The following SEMA3D variants were observed in gnomAD, a reference collection of about 807,000 sequenced individuals.
SEMA3D encodes the protein semaphorin 3D.
A neutral mutation model predicts 100.1 loss-of-function variants in SEMA3D; 84 were observed. The observed-to-expected ratio is 0.84, with a 90% CI of 0.70 to 1.01. The LOEUF (loss-of-function observed/expected upper bound fraction) is 1.01, where lower values mean the gene tolerates loss of function less well. Among genes scored for constraint, SEMA3D ranks in the 50% least tolerant of loss-of-function variants. The probability of loss-of-function intolerance (pLI) is 0.00; values close to 1 mark genes in which losing one functional copy is unlikely to be tolerated. For missense variants in SEMA3D, 875 were observed against 934.1 expected, an observed-to-expected ratio of 0.94 and a Z score of 0.82; for synonymous variants, 312 against 320.7, an observed-to-expected ratio of 0.97 and a Z score of 0.29.
intron 3 of SEMA3D, among the ~76,000 whole-genome samples, chr7:85,098,408 CTA>C (rs974742860): frequency 2.0e-5 from 3 of 151,682 alleles, no homozygotes; most frequent in African/African-American, 7.3e-5. Flanking sequence ...TTTAAAGCAT[CTA>C]TATATATTAA....
intron 2 of SEMA3D, among the ~76,000 whole-genome samples, chr7:85,148,214 A>C (rs1790270730): frequency 6.6e-6 from 1 of 152,220 alleles, no homozygotes; most frequent in Non-Finnish European, 1.5e-5. Flanking sequence ...ATTAATGATG[A>C]TCATTAATTA....
intron 2 of SEMA3D, among the ~76,000 whole-genome samples, chr7:85,125,186 T>A (rs1471193589): frequency 6.6e-6 from 1 of 152,090 alleles, no homozygotes; most frequent in African/African-American, 2.4e-5. Context: ...CATGTAACAA[T>A]GCATGTAACG....
intron 1 of SEMA3D, among the ~76,000 whole-genome samples, chr7:85,168,617 AT>A (rs3076565): frequency 0.23 from 30,873 of 135,138 alleles, 3,526 homozygotes; most frequent in African/African-American, 0.27. Context: ...GGTTTCTGCA[AT>A]TTTTTTTTTT....
intron 2 of SEMA3D, chr7:85,151,551 G>C (rs1173239761): frequency 1.0e-5 from 8 of 786,074 alleles, no homozygotes; most frequent in Non-Finnish European, 1.2e-5. Context: ...TTTCTATGCT[G>C]GTTAAAATAG....
intron 11 of SEMA3D, among the ~76,000 whole-genome samples, chr7:85,038,052 G>T (rs1443222846): frequency 5.6e-5 from 8 of 143,068 alleles, no homozygotes; most frequent in African/African-American, 1.5e-4. Flanking sequence ...GTTGTGGGGT[G>T]GGGGGGAGGG....
the SEMA3D span, among the ~76,000 whole-genome samples, chr7:85,249,038 T>C: frequency 6.6e-6 from 1 of 152,146 alleles, no homozygotes; most frequent in African/African-American, 2.4e-5. Flanking sequence ...ACCACTCTGA[T>C]AGGGGATGTT....
intron 12 of SEMA3D, among the ~76,000 whole-genome samples, chr7:85,023,849 G>GTTAATGTT (rs1790320330): frequency 6.6e-6 from 1 of 151,832 alleles, no homozygotes; most frequent in Admixed American, 6.6e-5. Flanking sequence ...CTAAAAGTCT[G>GTTAATGTT]TTAATGTTTT....
intron 12 of SEMA3D, chr7:85,029,560 T>A (rs1031592942): frequency 5.6e-6 from 3 of 538,240 alleles, no homozygotes; most frequent in Non-Finnish European, 7.0e-6. Flanking sequence ...GCTGGAGAAG[T>A]CTTCAAGTCC....
intron 9 of SEMA3D, among the ~76,000 whole-genome samples, chr7:85,052,303 C>T (rs1009277270): frequency 2.0e-5 from 3 of 151,888 alleles, no homozygotes; most frequent in Non-Finnish European, 4.4e-5. Context: ...TATAATCCCT[C>T]ATTGACTACA....
chr7:85,189,285 G>T (rs1791642478), upstream of SEMA3D, among the ~76,000 whole-genome samples: 2 of 152,112 alleles, frequency 1.3e-5, no homozygotes, highest in African/African-American at 4.8e-5. Flanking sequence ...AATAAAAACA[G>T]TAGAAATAAT....
chr7:85,015,483 G>C (rs1790072490), intron 15 of SEMA3D, among the ~76,000 whole-genome samples: 1 of 151,788 alleles, frequency 6.6e-6, no homozygotes. Context: ...CCAGCTGCTA[G>C]ACAGGAATTA....
chr7:85,198,240 T>C, the SEMA3D span, among the ~76,000 whole-genome samples: 8 of 152,166 alleles, frequency 5.3e-5, no homozygotes, highest in African/African-American at 1.9e-4. Flanking sequence ...TGTCTGTTTC[T>C]TAATGATATC....
At chr7:85,127,720 A>G in intron 2 of SEMA3D, among the ~76,000 whole-genome samples, 1 of 152,172 alleles carries the variant, frequency 6.6e-6, no homozygotes, top group East Asian at 1.9e-4. Context: ...TGCTCTTCAA[A>G]GCAGCAATTG....
chr7:85,219,417 G>C, the SEMA3D span, among the ~76,000 whole-genome samples: 1 of 151,246 alleles, frequency 6.6e-6, no homozygotes, highest in African/African-American at 2.4e-5. Flanking sequence ...ATTTTTACCT[G>C]ATTTATGTTA....
chr7:85,059,594 A>G (rs1791418038), intron 8 of SEMA3D, among the ~76,000 whole-genome samples: 1 of 152,176 alleles, frequency 6.6e-6, no homozygotes, highest in Admixed American at 6.5e-5. Flanking sequence ...TAGTGGTACA[A>G]AGTGTAGAGA....
In SEMA3D at chr7:85,044,156, TC is replaced by T. The variant is rs563925710; in HGVS notation, c.862-1872del. The stretch of plus-strand genomic sequence containing the variant: ...AACTGTTAAGTTTCAAGTCTGAATA[TC>T]TAGAAACTTTCTTCTTTTATCTCTG... On this transcript the variant is annotated intron_variant, in intron 9 of 18. Coordinates refer to ENST00000284136, the MANE Select transcript of SEMA3D (RefSeq NM_001384900.1). Among the ~76,000 whole-genome samples, 383 of 152,174 alleles carry T rather than the reference TC, an allele frequency of 2.5e-3. 3 individuals are homozygous for T. The highest frequency in any genetic ancestry group is 8.6e-3 in the African/African-American group (359 of 41,566).
At chr7:85,203,527 G>A in the SEMA3D span, among the ~76,000 whole-genome samples, 25 of 152,254 alleles carry the variant, frequency 1.6e-4, 1 homozygote, top group Middle Eastern at 3.4e-3. Context: ...AGATCTTGCA[G>A]GATGAACAAA....
intron 4 of SEMA3D, among the ~76,000 whole-genome samples, chr7:85,093,975 G>GA (rs571641423): frequency 6.6e-6 from 1 of 151,826 alleles, no homozygotes; most frequent in Non-Finnish European, 1.5e-5. Context: ...AGCAAAAGGT[G>GA]AAAAAAATAT....
intron 2 of SEMA3D, among the ~76,000 whole-genome samples, chr7:85,130,240 A>G (rs367651020): frequency 1.3e-5 from 2 of 152,174 alleles, no homozygotes; most frequent in South Asian, 2.1e-4. Flanking sequence ...ATCAATAACT[A>G]ACATTTTAAA....
Sources: gnomAD v4.1 joint callset for allele counts (sites outside exome capture counted in the v4.1 genomes callset) on GRCh38, gnomAD v4.1.1 for gene constraint, MANE v1.5 for transcripts, NCBI Gene and HGNC (gene_info 2026-07-23, HGNC 2026-07-21) for gene names.